The following PAPOLA variants were observed in gnomAD, a reference collection of about 807,000 sequenced individuals.
PAPOLA encodes poly(A) polymerase alpha.
PAPOLA carries 15 observed loss-of-function variants against 100.6 expected under a neutral mutation model. That is an observed-to-expected ratio of 0.15 (90% CI 0.10 to 0.23). PAPOLA has a LOEUF of 0.23. Ranked by LOEUF, PAPOLA falls within the 10% of genes least tolerant of loss-of-function variation. PAPOLA has a pLI of 1.00. For synonymous variants in PAPOLA, 293 were observed against 300.0 expected, an observed-to-expected ratio of 0.98 and a Z score of 0.24; for missense variants, 533 against 884.2, an observed-to-expected ratio of 0.60 and a Z score of 5.04.
At chr14:96,549,176 A>C (rs1244120543) in intron 16 of PAPOLA, among the ~76,000 whole-genome samples, 2 of 152,114 alleles carry the variant, frequency 1.3e-5, no homozygotes, top group Non-Finnish European at 1.5e-5. Flanking sequence ...TGTTATTCAC[A>C]ACTTGGAGAT....
chr14:96,513,394 T>C (rs1267467265), intron 1 of PAPOLA, among the ~76,000 whole-genome samples: 1 of 152,210 alleles, frequency 6.6e-6, no homozygotes, highest in East Asian at 1.9e-4. Flanking sequence ...TTATGTAATT[T>C]ATATTTTAAA....
intron 1 of PAPOLA, among the ~76,000 whole-genome samples, chr14:96,506,300 T>A (rs1454258780): frequency 6.6e-6 from 1 of 152,230 alleles, no homozygotes; most frequent in Non-Finnish European, 1.5e-5. Context: ...GACACTTTGT[T>A]TATTTAATGT....
At chr14:96,533,503 C>T (rs1407979353) in intron 9 of PAPOLA, 17 of 979,126 alleles carry the variant, frequency 1.7e-5, no homozygotes, top group South Asian at 4.7e-5. Context: ...GATTTAGTAG[C>T]ACTTATAATC....
At position 96,518,090 on chromosome 14, in the gene PAPOLA, C is replaced by T. The variant is rs76434381; in HGVS notation, c.9-1965C>T. Among the ~76,000 whole-genome samples the T allele has an allele frequency of 9.6e-3, 1,464 of 152,152 alleles. 12 individuals carry two copies. The highest frequency in any genetic ancestry group is 0.014 in the Non-Finnish European group (964 of 68,006). On this transcript the variant is annotated intron_variant, in intron 1 of 21. Transcript: ENST00000216277. ...CTTAGATTAAAGGGGCAGGAGGAAA[C>T]GATCTAATGTGAATTAATTTCTGCA...
Position 96,525,291 on chromosome 14 carries a change from C to T in PAPOLA, c.250-19C>T, listed in dbSNP as rs377538075. On this transcript the variant is annotated intron_variant, in intron 3 of 21. Transcript: ENST00000216277. ...CCCTTGTGCTCCACTGGCAAAATAA[C>T]CATTTTTTGTTTCAACAGAATCTTC... 277 of 1,228,502 alleles carry T rather than the reference C, an allele frequency of 2.3e-4. No homozygotes were observed. The highest frequency in any genetic ancestry group is 3.1e-4 in the Non-Finnish European group (263 of 837,286). The allele number at this position is 1,228,502 out of a possible 1,614,324, so 76.1% of individuals were successfully genotyped here.
chr14:96,524,887 T>C (rs1399645702), intron 3 of PAPOLA, among the ~76,000 whole-genome samples: 2 of 152,222 alleles, frequency 1.3e-5, no homozygotes, highest in East Asian at 3.8e-4. Context: ...GGATATTTGG[T>C]AAAAATCGTT....
At chr14:96,535,608 A>T (rs1051994818) in intron 10 of PAPOLA, 12 of 1,085,626 alleles carry the variant, frequency 1.1e-5, no homozygotes, top group Non-Finnish European at 1.2e-5. Flanking sequence ...TAGATTCCCA[A>T]GCAGAACTTT....
intron 1 of PAPOLA, among the ~76,000 whole-genome samples, chr14:96,515,911 CT>C (rs1897419018): frequency 6.6e-6 from 1 of 152,156 alleles, no homozygotes; most frequent in Admixed American, 6.5e-5. Flanking sequence ...GGAGGAGGAA[CT>C]TTGCATTCTT....
At chr14:96,518,264 C>G (rs1033760733) in intron 1 of PAPOLA, among the ~76,000 whole-genome samples, 1 of 152,218 alleles carries the variant, frequency 6.6e-6, no homozygotes, top group African/African-American at 2.4e-5. Context: ...GGCTTCTTGG[C>G]ATTCTTAGAT....
intron 12 of PAPOLA, among the ~76,000 whole-genome samples, chr14:96,540,584 G>C (rs907296137): frequency 1.1e-4 from 17 of 151,964 alleles, no homozygotes; most frequent in Non-Finnish European, 2.4e-4. Flanking sequence ...GACTTTTGTT[G>C]ATTTATTTGG....
intron 1 of PAPOLA, among the ~76,000 whole-genome samples, chr14:96,508,833 G>A (rs1195288565): frequency 6.6e-6 from 1 of 152,184 alleles, no homozygotes; most frequent in Non-Finnish European, 1.5e-5. Flanking sequence ...TTACAAAGCA[G>A]CAACATTATA....
At chr14:96,529,247 A>C (rs1197377085) in intron 6 of PAPOLA, among the ~76,000 whole-genome samples, 1 of 152,126 alleles carries the variant, frequency 6.6e-6, no homozygotes, top group Non-Finnish European at 1.5e-5. Flanking sequence ...TCAGTTACCT[A>C]GTTTTATGAG....
At chr14:96,513,318 C>T (rs1897230720) in intron 1 of PAPOLA, among the ~76,000 whole-genome samples, 1 of 152,162 alleles carries the variant, frequency 6.6e-6, no homozygotes, top group South Asian at 2.1e-4. Flanking sequence ...ATCTTCCTAC[C>T]TCAGCCTCCC....
rs1896335677 is a variant in PAPOLA, at chr14:96,502,455, G to A, written c.-138G>A. The A allele has an allele frequency of 1.4e-6, 1 of 714,880 alleles. No individual in the cohort carries two copies. The highest frequency in any genetic ancestry group is 2.5e-6 in the Non-Finnish European group (1 of 401,248). The allele number at this position is 714,880 out of a possible 1,614,324, so 44.3% of individuals were successfully genotyped here. Reference sequence around the variant, plus strand: ...AGGAGGAGAAGCGCTTAAAGCGGCGGGAGCGGTGCGGGAGAGGGGTTGGAC... The same window carrying A: ...AGGAGGAGAAGCGCTTAAAGCGGCGAGAGCGGTGCGGGAGAGGGGTTGGAC... On this transcript the variant is annotated 5_prime_UTR_variant, in exon 1 of 22. Coordinates refer to ENST00000216277, the MANE Select transcript of PAPOLA (RefSeq NM_032632.5).
chr14:96,524,839 C>T (rs1898327896), intron 3 of PAPOLA, among the ~76,000 whole-genome samples: 1 of 152,082 alleles, frequency 6.6e-6, no homozygotes, highest in Admixed American at 6.5e-5. Flanking sequence ...TTTCAAGTCA[C>T]TTTTGATATG....
At chr14:96,507,603 A>G (rs1896821927) in intron 1 of PAPOLA, among the ~76,000 whole-genome samples, 2 of 152,186 alleles carry the variant, frequency 1.3e-5, no homozygotes, top group South Asian at 2.1e-4. Context: ...CTATGTTAAC[A>G]TGTAATGAGT....
At chr14:96,552,739 T>C (rs1242149763) in intron 17 of PAPOLA, 117 bp downstream of exon 17, 4 of 904,436 alleles carry the variant, frequency 4.4e-6, no homozygotes, top group Non-Finnish European at 4.8e-6. Flanking sequence ...CATCTACTAA[T>C]TTTTTTTTAA....
intron 14 of PAPOLA, among the ~76,000 whole-genome samples, chr14:96,543,603 G>A (rs1402638808): frequency 6.6e-6 from 1 of 151,754 alleles, no homozygotes; most frequent in Non-Finnish European, 1.5e-5. Context: ...TTTACATTTT[G>A]TGGTAATTCT....
intron 17 of PAPOLA, among the ~76,000 whole-genome samples, chr14:96,555,353 G>T (rs947762793): frequency 6.6e-6 from 1 of 151,184 alleles, no homozygotes; most frequent in Non-Finnish European, 1.5e-5. Flanking sequence ...GGTTACAGGC[G>T]TGAGCCACCA....
Sources: allele counts gnomAD v4.1 joint callset (sites outside exome capture counted in the v4.1 genomes callset), GRCh38; gene constraint gnomAD v4.1.1; transcripts MANE v1.5; gene names NCBI Gene and HGNC (gene_info 2026-07-23, HGNC 2026-07-21).